Variants in GPC5 observed in about 807,000 individuals in gnomAD.
GPC5 encodes glypican-5.
In GPC5, 47 loss-of-function variants were observed where a neutral mutation model predicts 53.9. That is an observed-to-expected ratio of 0.87 (90% CI 0.69 to 1.11). GPC5 has a LOEUF of 1.11. Among genes scored for constraint, GPC5 ranks in the 50% most tolerant of loss-of-function variants. GPC5 has a pLI of 0.00. For synonymous variants in GPC5, 286 were observed against 263.3 expected, an observed-to-expected ratio of 1.09 and a Z score of -0.84; for missense variants, 748 against 713.1, an observed-to-expected ratio of 1.05 and a Z score of -0.56.
At chr13:92,447,727 T>G (rs1176287859) in intron 7 of GPC5, 1 of 152,126 alleles carries the variant, frequency 6.6e-6, no homozygotes, top group African/African-American at 2.4e-5. Context: ...TAAAGATCAT[T>G]TAAATTTAAC....
intron 6 of GPC5, 117 bp downstream of exon 6, chr13:91,908,174 A>G (rs2039575379): frequency 1.3e-6 from 1 of 768,374 alleles, no homozygotes; most frequent in African/African-American, 1.8e-5. Flanking sequence ...AAATATTGTA[A>G]CACACTTTTT....
chr13:91,649,330 T>C (rs376250767), intron 2 of GPC5, among the ~76,000 whole-genome samples: 31 of 152,176 alleles, frequency 2.0e-4, no homozygotes, highest in Non-Finnish European at 1.5e-4. Context: ...ATCCTCTACA[T>C]TGGATATACC....
intron 5 of GPC5, among the ~76,000 whole-genome samples, chr13:91,863,098 T>C (rs989344281): frequency 6.6e-6 from 1 of 151,356 alleles, no homozygotes; most frequent in African/African-American, 2.4e-5. Flanking sequence ...CCCTTTCCTT[T>C]CCTTCTGTTT....
chr13:92,059,409 T>G (rs940443535), intron 6 of GPC5, among the ~76,000 whole-genome samples: 3 of 152,086 alleles, frequency 2.0e-5, no homozygotes, highest in Non-Finnish European at 4.4e-5. Context: ...TGAATATATA[T>G]CAGTATCAAT....
At chr13:91,780,420 C>A (rs1035369671) in intron 5 of GPC5, among the ~76,000 whole-genome samples, 14 of 152,038 alleles carry the variant, frequency 9.2e-5, no homozygotes, top group Non-Finnish European at 1.3e-4. Flanking sequence ...TATGTTCTTC[C>A]AGTTTTGAAC....
intron 3 of GPC5, among the ~76,000 whole-genome samples, chr13:91,704,861 G>A (rs2036065449): frequency 6.6e-6 from 1 of 152,190 alleles, no homozygotes; most frequent in East Asian, 1.9e-4. Flanking sequence ...ATCATTCTTG[G>A]TCAATAGTTG....
At chr13:92,273,546 A>G (rs567668207) in intron 7 of GPC5, among the ~76,000 whole-genome samples, 1 of 152,250 alleles carries the variant, frequency 6.6e-6, no homozygotes, top group South Asian at 2.1e-4. Flanking sequence ...GCAAAAAAAA[A>G]CTAGGTATAA....
intron 5 of GPC5, among the ~76,000 whole-genome samples, chr13:91,795,313 T>C (rs1453341351): frequency 2.0e-5 from 3 of 152,198 alleles, no homozygotes; most frequent in African/African-American, 7.2e-5. Context: ...CCATGCACTT[T>C]AAAAAAGTGA....
At chr13:92,587,225 A>G (rs149800079) in intron 7 of GPC5, among the ~76,000 whole-genome samples, 11 of 152,210 alleles carry the variant, frequency 7.2e-5, no homozygotes, top group Non-Finnish European at 7.3e-5. Context: ...TTGGCATTCT[A>G]TATAAAGAAC....
chr13:92,429,679 T>TA (rs1877000095), intron 7 of GPC5, among the ~76,000 whole-genome samples: 1 of 152,064 alleles, frequency 6.6e-6, no homozygotes, highest in African/African-American at 2.4e-5. Flanking sequence ...AGAAGTTATA[T>TA]AAAAATCTAG....
intron 7 of GPC5, chr13:92,719,979 T>C (rs925436328): frequency 1.3e-5 from 2 of 152,192 alleles, no homozygotes; most frequent in Non-Finnish European, 2.9e-5. Flanking sequence ...AAACTGCTGT[T>C]ACCCATACCA....
At chr13:92,443,067 AC>A (rs1877642236) in intron 7 of GPC5, among the ~76,000 whole-genome samples, 2 of 152,184 alleles carry the variant, frequency 1.3e-5, no homozygotes, top group South Asian at 4.1e-4. Flanking sequence ...GAAGCATGGC[AC>A]CAGCATCTGC....
At chr13:92,030,120 C>T (rs956823102) in intron 6 of GPC5, among the ~76,000 whole-genome samples, 3 of 152,006 alleles carry the variant, frequency 2.0e-5, no homozygotes, top group African/African-American at 7.3e-5. Flanking sequence ...AGCAGCAGTA[C>T]AAATATTGAA....
intron 7 of GPC5, among the ~76,000 whole-genome samples, chr13:92,716,474 T>C (rs1429850865): frequency 6.6e-6 from 1 of 151,884 alleles, no homozygotes; most frequent in Non-Finnish European, 1.5e-5. Context: ...TTTTATCCCC[T>C]CTCTTCATCT....
intron 7 of GPC5, among the ~76,000 whole-genome samples, chr13:92,724,385 C>A (rs1198230549): frequency 6.6e-6 from 1 of 151,528 alleles, no homozygotes; most frequent in Non-Finnish European, 1.5e-5. Flanking sequence ...ATTATACTTT[C>A]CATACATGTT....
At chr13:91,468,899 A>G (rs1184798081) in intron 2 of GPC5, among the ~76,000 whole-genome samples, 2 of 143,626 alleles carry the variant, frequency 1.4e-5, no homozygotes, top group East Asian at 2.0e-4. Context: ...TTTAAATGAG[A>G]CAGGGTTTCA....
At chr13:91,986,152 G>A (rs1334572243) in intron 6 of GPC5, among the ~76,000 whole-genome samples, 3 of 129,518 alleles carry the variant, frequency 2.3e-5, no homozygotes, top group African/African-American at 6.0e-5. Context: ...TGCAAGCTCC[G>A]CCTCCCAGGT....
intron 7 of GPC5, among the ~76,000 whole-genome samples, chr13:92,435,054 A>G (rs1196280932): frequency 6.6e-6 from 1 of 152,134 alleles, no homozygotes; most frequent in African/African-American, 2.4e-5. Flanking sequence ...TGCTTGGACT[A>G]CAGGTGCATG....
At chr13:92,239,324 G>A (rs2042592774) in intron 7 of GPC5, among the ~76,000 whole-genome samples, 1 of 151,652 alleles carries the variant, frequency 6.6e-6, no homozygotes, top group Non-Finnish European at 1.5e-5. Flanking sequence ...ATGAACAAGG[G>A]TTGTTTTTAC....
Sources: allele counts gnomAD v4.1 joint callset (sites outside exome capture counted in the v4.1 genomes callset), GRCh38; gene constraint gnomAD v4.1.1; transcripts MANE v1.5; gene names NCBI Gene and HGNC (gene_info 2026-07-23, HGNC 2026-07-21).